The following CLMP variants were observed in gnomAD, a reference collection of about 807,000 sequenced individuals.
CLMP encodes CXADR-like membrane protein.
Under a neutral mutation model 45.2 loss-of-function variants are expected in CLMP, and 27 were observed. The ratio of observed to expected loss-of-function variants is 0.60; its 90% CI spans 0.44 to 0.82. The LOEUF is 0.82. Ranked by LOEUF, CLMP falls within the 40% of genes least tolerant of loss-of-function variation. The pLI is 0.00. For synonymous variants in CLMP, 167 were observed against 171.4 expected (o/e 0.97, Z 0.20); for missense variants, 403 against 448.4 (o/e 0.90, Z 0.91).
chr11:123,099,418 GGA>G (rs1003607020), intron 1 of CLMP, among the ~76,000 whole-genome samples: 2 of 152,164 alleles, frequency 1.3e-5, no homozygotes, highest in Non-Finnish European at 2.9e-5. Context: ...CAAATTTAGA[GGA>G]GAGAAATTAT....
chr11:123,119,303 A>C (rs1050795203), intron 1 of CLMP, among the ~76,000 whole-genome samples: 3 of 151,608 alleles, frequency 2.0e-5, no homozygotes, highest in Non-Finnish European at 2.9e-5. Flanking sequence ...GACTGGTCTC[A>C]AACTCCCGAC....
intron 2 of CLMP, among the ~76,000 whole-genome samples, chr11:123,091,854 C>T (rs1037506490): frequency 7.0e-6 from 1 of 142,870 alleles, no homozygotes; most frequent in Non-Finnish European, 1.5e-5. Context: ...TTTCCCATCA[C>T]CTGTGCACAC....
chr11:123,074,031 AC>A (rs1164484696), intron 6 of CLMP, among the ~76,000 whole-genome samples: 2 of 151,872 alleles, frequency 1.3e-5, no homozygotes, highest in African/African-American at 4.8e-5. Context: ...TAGACAGCAC[AC>A]CTCCTGATTT....
At position 123,150,201 on chromosome 11, in the gene CLMP, A is replaced by AACAC. The variant is rs113858165; in HGVS notation, c.28+44708_28+44711dup. ...GGAAAAAAATGCTACACACACACTA[A>AACAC]ACACACACACACACACACACACACA... On this transcript the variant is annotated intron_variant, in intron 1 of 6. Transcript: ENST00000448775. Among the ~76,000 whole-genome samples the AACAC allele has an allele frequency of 3.6e-3, 517 of 142,288 alleles. 2 individuals carry two copies. Among genetic ancestry groups the AACAC allele is most frequent in the Non-Finnish European group, 4.3e-3 (283 of 65,480 alleles). The allele number at this position is 142,288 out of a possible 152,430, so 93.3% of individuals were successfully genotyped here. A position where few individuals can be genotyped will look rare whatever the true frequency, so the allele number is the denominator to read the frequency against.
At chr11:123,158,726 G>A (rs1397347686) in intron 1 of CLMP, among the ~76,000 whole-genome samples, 1 of 152,224 alleles carries the variant, frequency 6.6e-6, no homozygotes, top group African/African-American at 2.4e-5. Context: ...GAACTAGACA[G>A]ACCTGGGTTT....
At chr11:123,123,833 C>G (rs901211600) in intron 1 of CLMP, among the ~76,000 whole-genome samples, 1 of 152,194 alleles carries the variant, frequency 6.6e-6, no homozygotes, top group African/African-American at 2.4e-5. Flanking sequence ...AAAATTGACA[C>G]TACCTCTAAT....
intron 1 of CLMP, among the ~76,000 whole-genome samples, chr11:123,150,466 A>AGAAAGAAAGAAG (rs1861303226): frequency 9.4e-6 from 1 of 106,450 alleles, no homozygotes; most frequent in Non-Finnish European, 2.1e-5. Context: ...AAAGAAAGAA[A>AGAAAGAAAGAAG]GAAAGAAAGA....
At chr11:123,104,933 G>T (rs996468707) in intron 1 of CLMP, among the ~76,000 whole-genome samples, 1 of 152,208 alleles carries the variant, frequency 6.6e-6, no homozygotes, top group Non-Finnish European at 1.5e-5. Context: ...GCAAGTAAGG[G>T]AATAGTCTCT....
chr11:123,078,358 G>T (rs183502717), intron 5 of CLMP, among the ~76,000 whole-genome samples: 42 of 152,232 alleles, frequency 2.8e-4, no homozygotes, highest in Non-Finnish European at 5.4e-4. Context: ...CAGACAAAAT[G>T]GAATGATTCT....
At chr11:123,119,392 GTT>G (rs1278273691) in intron 1 of CLMP, among the ~76,000 whole-genome samples, 1 of 151,960 alleles carries the variant, frequency 6.6e-6, no homozygotes, top group Non-Finnish European at 1.5e-5. Context: ...TGATCTTTGC[GTT>G]TTCATCAGAG....
chr11:123,093,332 A>G (rs897808805), intron 2 of CLMP, among the ~76,000 whole-genome samples: 7 of 152,022 alleles, frequency 4.6e-5, no homozygotes, highest in African/African-American at 1.7e-4. Context: ...AGGTGAAATT[A>G]TACAATTGCA....
At chr11:123,086,538 T>C (rs899326416) in intron 2 of CLMP, among the ~76,000 whole-genome samples, 1 of 152,218 alleles carries the variant, frequency 6.6e-6, no homozygotes, top group Non-Finnish European at 1.5e-5. Flanking sequence ...GAGCCTTTCC[T>C]GAGAAGGTTC....
chr11:123,075,543 C>T (rs756851298), intron 5 of CLMP, among the ~76,000 whole-genome samples: 5 of 152,018 alleles, frequency 3.3e-5, no homozygotes, highest in East Asian at 1.9e-4. Context: ...CCCGCCACCA[C>T]GCCCGGCTAG....
chr11:123,140,103 C>T (rs188054541), intron 1 of CLMP, among the ~76,000 whole-genome samples: 188 of 152,274 alleles, frequency 1.2e-3, no homozygotes, highest in African/African-American at 4.2e-3. Context: ...GGCCAGTACG[C>T]CTCCTAGTTT....
At chr11:123,080,951 C>T (rs893976931) in intron 5 of CLMP, among the ~76,000 whole-genome samples, 4 of 151,820 alleles carry the variant, frequency 2.6e-5, no homozygotes, top group African/African-American at 7.3e-5. Context: ...GAGACCAGCC[C>T]GGCCAACATA....
chr11:123,168,355 C>A (rs932444040), intron 1 of CLMP, among the ~76,000 whole-genome samples: 8 of 152,182 alleles, frequency 5.3e-5, no homozygotes, highest in Non-Finnish European at 8.8e-5. Context: ...CAGCTGCCCC[C>A]CCTGGTTCTT....
intron 1 of CLMP, among the ~76,000 whole-genome samples, chr11:123,172,442 A>T (rs17736919): frequency 1.3e-5 from 2 of 151,330 alleles, no homozygotes; most frequent in Non-Finnish European, 3.0e-5. Flanking sequence ...TGAGATGTTA[A>T]TTTGTGCCAG....
chr11:123,176,088 G>A (rs1373947249), intron 1 of CLMP, among the ~76,000 whole-genome samples: 3 of 152,214 alleles, frequency 2.0e-5, no homozygotes, highest in Non-Finnish European at 4.4e-5. Context: ...ATAGTGTCTA[G>A]TGTACATTTA....
chr11:123,174,971 A>G (rs1382768875), intron 1 of CLMP, among the ~76,000 whole-genome samples: 1 of 152,128 alleles, frequency 6.6e-6, no homozygotes, highest in Non-Finnish European at 1.5e-5. Context: ...TTGGTGTTTT[A>G]GAGACAAGAT....
Sources: allele counts gnomAD v4.1 joint callset (sites outside exome capture counted in the v4.1 genomes callset), GRCh38; gene constraint gnomAD v4.1.1; transcripts MANE v1.5; gene names NCBI Gene and HGNC (gene_info 2026-07-23, HGNC 2026-07-21).